CFAP54: variants seen among roughly 807,000 people sequenced by gnomAD.
CFAP54 encodes the protein cilia and flagella associated protein 54.
In CFAP54, 290 loss-of-function variants were observed where a neutral mutation model predicts 370.4. The ratio of observed to expected loss-of-function variants is 0.78; its 90% CI spans 0.71 to 0.86. CFAP54 has a LOEUF of 0.86. CFAP54 is among the 40% of genes least tolerant of loss of function. The pLI, the probability that CFAP54 is intolerant of heterozygous loss-of-function variation, is 0.00. For missense variants in CFAP54, 3,399 were observed against 3,528.7 expected (o/e 0.96, Z 0.93); for synonymous variants, 1,206 against 1,236.5 (o/e 0.98, Z 0.52).
intron 32 of CFAP54, among the ~76,000 whole-genome samples, 194 bp from the exon 33 acceptor site, chr12:96,643,984 T>C (rs936653637): frequency 1.3e-5 from 2 of 152,192 alleles, no homozygotes; most frequent in Non-Finnish European, 2.9e-5. Flanking sequence ...TCCCTGGTGC[T>C]TATCCCTGTG....
intron 50 of CFAP54, among the ~76,000 whole-genome samples, chr12:96,722,110 C>CAGG (rs1957762445): frequency 6.6e-6 from 1 of 152,188 alleles, no homozygotes; most frequent in African/African-American, 2.4e-5. Flanking sequence ...GGCCCATGTG[C>CAGG]AGGAACTCTT....
intron 64 of CFAP54, among the ~76,000 whole-genome samples, chr12:96,813,972 G>A (rs1285281833): frequency 6.6e-6 from 1 of 152,150 alleles, no homozygotes; most frequent in Non-Finnish European, 1.5e-5. Context: ...GCAGTCATGG[G>A]GTCCAGGCCT....
chr12:96,726,623 C>T (rs376112032), intron 50 of CFAP54, among the ~76,000 whole-genome samples: 1 of 151,774 alleles, frequency 6.6e-6, no homozygotes, highest in Non-Finnish European at 1.5e-5. Context: ...TTTCAAAAAA[C>T]CAGCTCCTGG....
chr12:96,530,572 A>G (rs1217849220), intron 9 of CFAP54, among the ~76,000 whole-genome samples: 7 of 152,132 alleles, frequency 4.6e-5, no homozygotes, highest in African/African-American at 1.7e-4. Context: ...TTAACCACTT[A>G]CCCTTTGAAG....
At chr12:96,551,317 A>G (rs1955691585) in intron 15 of CFAP54, among the ~76,000 whole-genome samples, 1 of 152,228 alleles carries the variant, frequency 6.6e-6, no homozygotes, top group Admixed American at 6.5e-5. Flanking sequence ...GCCTATGTAT[A>G]TAAGGAGATG....
intron 40 of CFAP54, among the ~76,000 whole-genome samples, chr12:96,681,765 G>A (rs1369971102): frequency 6.6e-6 from 1 of 151,990 alleles, no homozygotes; most frequent in Non-Finnish European, 1.5e-5. Flanking sequence ...ACCACGCCCG[G>A]CTAATTTATT....
intron 2 of CFAP54, among the ~76,000 whole-genome samples, chr12:96,502,275 A>C (rs1358478070): frequency 6.6e-6 from 1 of 151,920 alleles, no homozygotes; most frequent in Non-Finnish European, 1.5e-5. Context: ...AATGTTGGCC[A>C]GGCTGGGCAT....
At chr12:96,828,078 A>T (rs999784495) in intron 65 of CFAP54, among the ~76,000 whole-genome samples, 5 of 130,272 alleles carry the variant, frequency 3.8e-5, no homozygotes, top group African/African-American at 1.5e-4. Flanking sequence ...ATAATTATAT[A>T]TTATATATAT....
At chr12:96,726,100 G>A (rs1407706223) in intron 50 of CFAP54, among the ~76,000 whole-genome samples, 1 of 149,520 alleles carries the variant, frequency 6.7e-6, no homozygotes, top group African/African-American at 2.4e-5. Context: ...GAGGATTTTT[G>A]CATCAATGTT....
intron 60 of CFAP54, among the ~76,000 whole-genome samples, chr12:96,769,598 G>T (rs1454451062): frequency 7.0e-6 from 1 of 143,452 alleles, no homozygotes; most frequent in Admixed American, 6.9e-5. Flanking sequence ...TCCCTTCAGG[G>T]TGAGCAGATT....
intron 66 of CFAP54, among the ~76,000 whole-genome samples, chr12:96,851,993 T>A (rs541035860): frequency 1.3e-5 from 2 of 152,192 alleles, no homozygotes; most frequent in East Asian, 3.9e-4. Context: ...ACTCTTAGAA[T>A]GAATAAGTGA....
At chr12:96,542,399 G>A (rs557343823) in intron 14 of CFAP54, among the ~76,000 whole-genome samples, 21 of 152,262 alleles carry the variant, frequency 1.4e-4, no homozygotes, top group Non-Finnish European at 2.4e-4. Context: ...TCTGGCCATC[G>A]AACACATTCA....
chr12:96,862,986 C>T (rs1959914502), intron 67 of CFAP54, among the ~76,000 whole-genome samples: 1 of 152,172 alleles, frequency 6.6e-6, no homozygotes, highest in South Asian at 2.1e-4. Flanking sequence ...TTTACCTCAA[C>T]CTCATGTTAA....
chr12:96,489,924 T>C lies in CFAP54; in HGVS notation c.315T>C (p.Arg105=). The change falls in exon 1 of 68, where the codon CGT becomes CGC. Residue 105 remains arginine, a splice_region_variant and synonymous_variant. Transcript: ENST00000524981. ...AAGAGAAGCACGAATTCCGCCGGCG[T>C]TGGTAAGCGCTGGCGGGGCACTGGG... ...TEEEKHEFRR[R]CATSLFNIWT... The C allele has an allele frequency of 6.5e-7, 1 of 1,531,174 alleles. No individual in the cohort carries two copies. The highest frequency in any genetic ancestry group is 8.7e-7 in the Non-Finnish European group (1 of 1,143,528). 94.8% of individuals were successfully genotyped at this position (1,531,174 alleles called of 1,614,324 possible).
intron 26 of CFAP54, among the ~76,000 whole-genome samples, chr12:96,601,397 G>T (rs139079732): frequency 6.6e-6 from 1 of 152,264 alleles, no homozygotes; most frequent in Non-Finnish European, 1.5e-5. Context: ...TGTTCATCAG[G>T]GATAATGGCC....
intron 2 of CFAP54, among the ~76,000 whole-genome samples, chr12:96,502,661 C>T (rs1955043846): frequency 6.6e-6 from 1 of 152,090 alleles, no homozygotes; most frequent in Non-Finnish European, 1.5e-5. Flanking sequence ...AACTGGACAG[C>T]CAGTTCAACC....
At chr12:96,612,455 C>G (rs1269313635) in intron 26 of CFAP54, among the ~76,000 whole-genome samples, 2 of 152,056 alleles carry the variant, frequency 1.3e-5, no homozygotes, top group Non-Finnish European at 2.9e-5. Flanking sequence ...TAAAGACCAT[C>G]GATGCTAGGA....
chr12:96,729,407 G>A (rs1054062093), intron 50 of CFAP54, among the ~76,000 whole-genome samples: 3 of 152,164 alleles, frequency 2.0e-5, no homozygotes, highest in Admixed American at 1.3e-4. Flanking sequence ...CCCCAGCCTC[G>A]CTTCTGCCTT....
chr12:96,575,424 G>T (rs190608973), intron 19 of CFAP54, among the ~76,000 whole-genome samples: 1 of 151,910 alleles, frequency 6.6e-6, no homozygotes. Context: ...CTTTGTCAGT[G>T]TGCTTTCGGT....
Sources: allele counts gnomAD v4.1 joint callset (sites outside exome capture counted in the v4.1 genomes callset), GRCh38; gene constraint gnomAD v4.1.1; transcripts MANE v1.5; gene names NCBI Gene and HGNC (gene_info 2026-07-23, HGNC 2026-07-21).